The following CYP4F22 variants were observed in gnomAD, a reference collection of about 807,000 sequenced individuals.
The protein encoded by CYP4F22 is cytochrome P450 family 4 subfamily F member 22, also known as ultra-long-chain fatty acid omega-hydroxylase.
Under a neutral mutation model 60.4 loss-of-function variants are expected in CYP4F22, and 37 were observed. That is an observed-to-expected ratio of 0.61 (90% CI 0.47 to 0.81). The LOEUF (loss-of-function observed/expected upper bound fraction) is 0.81, where lower values mean the gene tolerates loss of function less well. CYP4F22 is among the 30% of genes least tolerant of loss of function. The pLI is 0.00. For missense variants in CYP4F22, 655 were observed against 715.0 expected, an observed-to-expected ratio of 0.92 and a Z score of 0.96; for synonymous variants, 258 against 280.5, an observed-to-expected ratio of 0.92 and a Z score of 0.80.
chr19:15,525,318 G>T lies in CYP4F22; in HGVS notation c.-1-18G>T. 1.2e-6 allele frequency: 2 copies of T among 1,611,250 alleles called. No homozygotes were observed. The highest frequency in any genetic ancestry group is 1.7e-6 in the Non-Finnish European group (2 of 1,179,402). ...GTCTTGTGCATGGCACCGACCCCCTGACCCTGTGTGTCCCCAGGATGCTGC... is the reference window on the plus strand; with the variant it reads ...GTCTTGTGCATGGCACCGACCCCCTTACCCTGTGTGTCCCCAGGATGCTGC... On this transcript the variant is annotated intron_variant, in intron 2 of 13. Transcript: ENST00000269703.
Position 15,525,473 on chromosome 19 carries a change from G to C in CYP4F22, c.137G>C (p.Cys46Ser). 6.2e-7 allele frequency: 1 copy of C among 1,614,004 alleles called. No homozygotes were observed. The highest frequency in any genetic ancestry group is 8.5e-7 in the Non-Finnish European group (1 of 1,180,010). ...CTGCTGCTGCGGTTCCTGAGGCTCT[G>C]CAGGAGCTTCTACATCACCTGCCGC... ...FRLLLRFLRL[C>S]RSFYITCRRL... is the part of the protein sequence containing the mutation. Residue 46 changes from cysteine to serine, a missense_variant, in exon 3 of 14, where the codon TGC becomes TCC. This residue lies in a region of CYP4F22 where 430 missense variants were observed against 457.1 expected (regional missense o/e 0.94). Coordinates refer to ENST00000269703, the MANE Select transcript of CYP4F22 (RefSeq NM_173483.4).
rs1971565330 is a variant in CYP4F22 at position 15,549,076 on chromosome 19, G to A, written c.1271-62G>A. ...ATGGCTCTAGGGAGACCCAAGTTGG[G>A]GGATGTTTCTGGAGGAGGCCCTGGC... is the stretch of plus-strand genomic sequence containing the variant. On this transcript the variant is annotated intron_variant, in intron 11 of 13. Transcript: ENST00000269703. 1.9e-6 allele frequency: 3 copies of A among 1,587,490 alleles called. No individual in the cohort carries two copies. The Admixed American group carries it at 5.0e-5, about 26-fold the overall frequency.
chr19:15,511,721 G>A (rs1971094482), intron 1 of CYP4F22, among the ~76,000 whole-genome samples: 1 of 152,158 alleles, frequency 6.6e-6, no homozygotes, highest in Admixed American at 6.5e-5. Context: ...CAGGCTCCTG[G>A]CTGGTCCCAG....
At chr19:15,547,683 T>A (rs1463916284) in intron 10 of CYP4F22, among the ~76,000 whole-genome samples, 2 of 150,912 alleles carry the variant, frequency 1.3e-5, no homozygotes, top group Admixed American at 1.3e-4. Context: ...ATTAGCCGGG[T>A]GTGGGTGCGC....
chr19:15,532,869 C>T (rs56859015), intron 4 of CYP4F22, among the ~76,000 whole-genome samples: 15,190 of 152,148 alleles, frequency 0.1, 1,058 homozygotes, highest in African/African-American at 0.19. Flanking sequence ...ATTCTGTGTA[C>T]CCCATCAGAG....
intron 4 of CYP4F22, among the ~76,000 whole-genome samples, chr19:15,530,852 A>G (rs1048734542): frequency 4.6e-5 from 7 of 152,154 alleles, no homozygotes; most frequent in African/African-American, 1.7e-4. Context: ...ATTATAATTC[A>G]AAATGAAATT....
chr19:15,535,098 G>T (rs568276346), intron 4 of CYP4F22, among the ~76,000 whole-genome samples: 5 of 152,314 alleles, frequency 3.3e-5, no homozygotes, highest in African/African-American at 1.2e-4. Flanking sequence ...AGTCCAGAGT[G>T]CAGAGAGGAG....
At chr19:15,510,966 A>ATTTTTTTTT (rs1555726127) in intron 1 of CYP4F22, among the ~76,000 whole-genome samples, 5 of 103,300 alleles carry the variant, frequency 4.8e-5, no homozygotes, top group African/African-American at 2.3e-4. Context: ...ATATATATAT[A>ATTTTTTTTT]TTTTTTTTTT....
At position 15,525,618 on chromosome 19, in the gene CYP4F22, A is replaced by G. The variant is rs1035466034; in HGVS notation, c.222+60A>G. 2.0e-6 allele frequency: 3 copies of G among 1,524,440 alleles called. No individual in the cohort carries two copies. In the African/African-American group the frequency reaches 4.1e-5, roughly 21 times the overall value. 94.4% of individuals were successfully genotyped at this position (1,524,440 alleles called of 1,614,324 possible). A position where few individuals can be genotyped will look rare whatever the true frequency, so the allele number is the denominator to read the frequency against. On this transcript the variant is annotated intron_variant, in intron 3 of 13. Coordinates refer to ENST00000269703, the MANE Select transcript of CYP4F22 (RefSeq NM_173483.4). Reference sequence around the variant, plus strand: ...GCTGGGCATGTGCAGGGTAATAGGTAGGGATGGTGGGCCTGCTGGCTTCCC... The same window carrying G: ...GCTGGGCATGTGCAGGGTAATAGGTGGGGATGGTGGGCCTGCTGGCTTCCC...
intron 1 of CYP4F22, among the ~76,000 whole-genome samples, chr19:15,515,632 A>G (rs1324075850): frequency 1.3e-5 from 2 of 150,078 alleles, no homozygotes; most frequent in East Asian, 2.1e-4. Flanking sequence ...AGGCTGAGGC[A>G]GGAGAATTGC....
intron 7 of CYP4F22, among the ~76,000 whole-genome samples, chr19:15,538,758 TTAAA>T (rs1422965886): frequency 6.6e-6 from 1 of 152,142 alleles, no homozygotes; most frequent in Non-Finnish European, 1.5e-5. Context: ...GTCTTAGAAA[TTAAA>T]TAATTAATTC....
intron 3 of CYP4F22, among the ~76,000 whole-genome samples, chr19:15,526,159 T>A (rs1380548305): frequency 6.6e-6 from 1 of 151,994 alleles, no homozygotes; most frequent in African/African-American, 2.4e-5. Context: ...AGGGAGACCC[T>A]GTCTCTCTAA....
At chr19:15,509,904 C>T (rs199904899) in intron 1 of CYP4F22, among the ~76,000 whole-genome samples, 9,423 of 86,094 alleles carry the variant, frequency 0.11, 540 homozygotes, top group East Asian at 0.25. Flanking sequence ...TTCCTTCCTT[C>T]CTTTCTTTCT....
In CYP4F22 at chr19:15,551,605, C is replaced by A. The variant is rs868618502; in HGVS notation, c.*134C>A. 2.2e-4 allele frequency: 252 copies of A among 1,138,330 alleles called. No homozygotes were observed. Among genetic ancestry groups the A allele is most frequent in the Middle Eastern group, 2.0e-3 (7 of 3,438 alleles). 70.5% of individuals were successfully genotyped at this position (1,138,330 alleles called of 1,614,324 possible). ...TCAGCTCCTGGATGACCAGGCACCG[C>A]TGTTGAGCAGCCTGGTGGTACTGGC... On this transcript the variant is annotated 3_prime_UTR_variant, in exon 14 of 14. Coordinates refer to ENST00000269703, the MANE Select transcript of CYP4F22 (RefSeq NM_173483.4).
intron 1 of CYP4F22, chr19:15,516,129 G>C (rs1971152372): frequency 6.6e-6 from 1 of 152,186 alleles, no homozygotes; most frequent in African/African-American, 2.4e-5. Context: ...AGATATAAGA[G>C]AATAAGTACA....
intron 4 of CYP4F22, 45 bp from the exon 5 acceptor site, chr19:15,537,316 A>G (rs1372509779): frequency 1.9e-6 from 3 of 1,612,702 alleles, no homozygotes; most frequent in South Asian, 1.1e-5. Context: ...ACAAAAAACC[A>G]AAAAACTCTG....
chr19:15,510,966 ATTTTT>A (rs1555726127), intron 1 of CYP4F22, among the ~76,000 whole-genome samples: 1 of 103,334 alleles, frequency 9.7e-6, no homozygotes, highest in African/African-American at 4.6e-5. Context: ...ATATATATAT[ATTTTT>A]TTTTTTTTTT....
intron 8 of CYP4F22, 71 bp downstream of exon 8, chr19:15,540,788 TAA>T (rs1971453274): frequency 2.5e-6 from 4 of 1,589,474 alleles, no homozygotes; most frequent in Non-Finnish European, 3.4e-6. Flanking sequence ...TGTAAAATGA[TAA>T]GTGTTAAAAC....
At chr19:15,522,728 C>T (rs928971203) in intron 1 of CYP4F22, among the ~76,000 whole-genome samples, 2 of 151,934 alleles carry the variant, frequency 1.3e-5, no homozygotes, top group Admixed American at 6.6e-5. Flanking sequence ...TATTTTGTTT[C>T]GAGACGGAGT....
Sources: allele counts gnomAD v4.1 joint callset (sites outside exome capture counted in the v4.1 genomes callset), GRCh38; gene constraint gnomAD v4.1.1; regional missense constraint gnomAD v4.1.1; transcripts MANE v1.5; gene names NCBI Gene and HGNC (gene_info 2026-07-23, HGNC 2026-07-21).